Variants in LRMDA observed in about 807,000 individuals in gnomAD.
The protein encoded by LRMDA is leucine rich melanocyte differentiation associated, also known as leucine-rich melanocyte differentiation-associated protein.
Under a neutral mutation model 29.8 loss-of-function variants are expected in LRMDA, and 18 were observed. The observed-to-expected ratio is 0.60, with a 90% CI of 0.42 to 0.90. LRMDA has a LOEUF of 0.90. LRMDA is among the 40% of genes least tolerant of loss of function. LRMDA has a pLI of 0.00. For synonymous variants in LRMDA, 125 were observed against 109.4 expected, an observed-to-expected ratio of 1.14 and a Z score of -0.89; for missense variants, 273 against 273.9, an observed-to-expected ratio of 1.00 and a Z score of 0.02.
chr10:76,103,984 G>T (rs1849438001), intron 5 of LRMDA, among the ~76,000 whole-genome samples: 1 of 151,820 alleles, frequency 6.6e-6, no homozygotes, highest in African/African-American at 2.4e-5. Context: ...GGAGGTGGAG[G>T]TTGCAGTGAA....
At chr10:75,760,995 A>G (rs963896473) in intron 2 of LRMDA, among the ~76,000 whole-genome samples, 12 of 152,234 alleles carry the variant, frequency 7.9e-5, no homozygotes, top group African/African-American at 2.9e-4. Flanking sequence ...AAAATATTCA[A>G]TGAGAATTCA....
At chr10:75,870,808 C>A (rs1736576962) in intron 2 of LRMDA, among the ~76,000 whole-genome samples, 1 of 152,128 alleles carries the variant, frequency 6.6e-6, no homozygotes, top group Non-Finnish European at 1.5e-5. Context: ...TGATATTTAC[C>A]CCTGTCTCCA....
intron 2 of LRMDA, among the ~76,000 whole-genome samples, chr10:75,623,062 A>G (rs1185529579): frequency 6.6e-6 from 1 of 152,246 alleles, no homozygotes; most frequent in Non-Finnish European, 1.5e-5. Flanking sequence ...TTTCAAATAT[A>G]TAACTCTGGG....
chr10:76,288,235 G>GA (rs1288365304), intron 5 of LRMDA, among the ~76,000 whole-genome samples: 3 of 152,084 alleles, frequency 2.0e-5, no homozygotes, highest in African/African-American at 7.2e-5. Context: ...GGCAATTTCT[G>GA]AAAAAACTTA....
intron 6 of LRMDA, among the ~76,000 whole-genome samples, chr10:76,483,591 G>T (rs1842753752): frequency 6.6e-6 from 1 of 151,792 alleles, no homozygotes; most frequent in African/African-American, 2.4e-5. Flanking sequence ...GGGCAATAGG[G>T]GCAGGCGCAC....
intron 2 of LRMDA, among the ~76,000 whole-genome samples, chr10:75,716,079 G>T (rs1285996444): frequency 6.6e-6 from 1 of 152,172 alleles, no homozygotes; most frequent in African/African-American, 2.4e-5. Flanking sequence ...CACTGTTGGG[G>T]CTAAGCACCT....
chr10:75,733,292 A>G (rs1218899051), intron 2 of LRMDA, among the ~76,000 whole-genome samples: 2 of 152,130 alleles, frequency 1.3e-5, no homozygotes, highest in Non-Finnish European at 2.9e-5. Flanking sequence ...TGTGATTACT[A>G]TTATTCTGAA....
Position 76,410,650 on chromosome 10 carries a change from A to G in LRMDA, c.601+86165A>G, listed in dbSNP as rs374863338. Among the ~76,000 whole-genome samples the G allele has an allele frequency of 9.9e-5, 15 of 151,652 alleles. No individual in the cohort carries two copies. In the East Asian group the frequency reaches 1.2e-3, roughly 12 times the overall value. On this transcript the variant is annotated intron_variant, in intron 6 of 6. Transcript: ENST00000611255. ...TAGGCTGGAGAAGCTGAAAGATTAC[A>G]TTGGCTTATTACAAAGATCATTCTG...
intron 2 of LRMDA, among the ~76,000 whole-genome samples, chr10:75,756,432 G>A (rs1481724168): frequency 6.6e-6 from 1 of 152,148 alleles, no homozygotes. Flanking sequence ...AGAGTTAGAA[G>A]GACCCTGATG....
chr10:75,677,506 C>A (rs540210617), intron 2 of LRMDA, among the ~76,000 whole-genome samples: 100 of 152,160 alleles, frequency 6.6e-4, no homozygotes, highest in Non-Finnish European at 1.2e-3. Context: ...ACTGAGTCTA[C>A]AATGCATACT....
At chr10:76,143,136 G>A (rs1213084484) in intron 5 of LRMDA, among the ~76,000 whole-genome samples, 1 of 152,110 alleles carries the variant, frequency 6.6e-6, no homozygotes, top group Non-Finnish European at 1.5e-5. Flanking sequence ...ATTGTGAATA[G>A]TGCCACTGTA....
At chr10:75,763,307 G>A (rs1476949416) in intron 2 of LRMDA, among the ~76,000 whole-genome samples, 2 of 151,952 alleles carry the variant, frequency 1.3e-5, no homozygotes, top group African/African-American at 4.8e-5. Context: ...ATAAATGTAG[G>A]TAAAGATAGA....
intron 6 of LRMDA, among the ~76,000 whole-genome samples, chr10:76,372,509 A>G (rs1204251694): frequency 1.3e-5 from 2 of 152,098 alleles, no homozygotes; most frequent in Non-Finnish European, 2.9e-5. Context: ...GCTACTTGGG[A>G]GGCTGAGGCA....
intron 6 of LRMDA, among the ~76,000 whole-genome samples, chr10:76,526,767 A>G (rs1013076690): frequency 7.2e-6 from 1 of 138,346 alleles, no homozygotes; most frequent in Non-Finnish European, 1.5e-5. Context: ...TCATTGTTCA[A>G]TTCCCACCTA....
chr10:76,043,756 TA>T (rs1848380783), intron 3 of LRMDA, among the ~76,000 whole-genome samples: 1 of 152,218 alleles, frequency 6.6e-6, no homozygotes, highest in South Asian at 2.1e-4. Context: ...CACTCGTCAT[TA>T]AATGTTGAGA....
chr10:76,525,653 A>AT (rs918529790), intron 6 of LRMDA, among the ~76,000 whole-genome samples: 2 of 151,770 alleles, frequency 1.3e-5, no homozygotes, highest in Admixed American at 6.6e-5. Context: ...AACTCCGGCT[A>AT]TTTTTTTTGT....
intron 2 of LRMDA, among the ~76,000 whole-genome samples, chr10:75,529,326 A>G (rs1845449291): frequency 6.6e-6 from 1 of 152,230 alleles, no homozygotes; most frequent in Admixed American, 6.5e-5. Context: ...CAGAATTCTG[A>G]AAGGAAAAGT....
intron 2 of LRMDA, among the ~76,000 whole-genome samples, chr10:75,925,446 C>G (rs1846104994): frequency 6.6e-6 from 1 of 152,058 alleles, no homozygotes; most frequent in African/African-American, 2.4e-5. Context: ...GTTTATTGTA[C>G]AGAAATATTT....
chr10:76,014,898 G>A (rs1248879554), intron 2 of LRMDA, among the ~76,000 whole-genome samples: 1 of 152,196 alleles, frequency 6.6e-6, no homozygotes, highest in Non-Finnish European at 1.5e-5. Flanking sequence ...CCTGGCTGCA[G>A]CATCTAAATA....
Sources: gnomAD v4.1 joint callset for allele counts (sites outside exome capture counted in the v4.1 genomes callset) on GRCh38, gnomAD v4.1.1 for gene constraint, MANE v1.5 for transcripts, NCBI Gene and HGNC (gene_info 2026-07-23, HGNC 2026-07-21) for gene names.